Variants in GRIA4 observed in about 807,000 individuals in gnomAD.
The protein encoded by GRIA4 is glutamate receptor 4.
A neutral mutation model predicts 104.0 loss-of-function variants in GRIA4; 34 were observed. The observed-to-expected ratio is 0.33, with a 90% CI of 0.25 to 0.44. GRIA4 has a LOEUF of 0.44. Ranked by LOEUF, GRIA4 falls within the 20% of genes least tolerant of loss-of-function variation. The probability of loss-of-function intolerance (pLI) is 1.00; values close to 1 mark genes in which losing one functional copy is unlikely to be tolerated. For synonymous variants in GRIA4, 386 were observed against 381.9 expected (o/e 1.01, Z -0.13); for missense variants, 750 against 1,096.5 (o/e 0.68, Z 4.46).
rs540833289 is a variant in GRIA4, at chr11:105,773,128, C to CT, written c.487+19915dup. On this transcript the variant is annotated intron_variant, in intron 4 of 16. Coordinates refer to ENST00000282499, the MANE Select transcript of GRIA4 (RefSeq NM_000829.4). ...CCTTCCCCTACTCCTCCTTCTCATT[C>CT]TTTTTTTAAAAAATTATTGACTTTA... 1.1e-4 allele frequency among the ~76,000 whole-genome samples: 17 copies of CT among 152,144 alleles called. No homozygotes were observed. In the East Asian group the frequency reaches 2.3e-3, roughly 21 times the overall value.
rs143099462 is a variant in GRIA4, at chr11:105,759,365, C to T, written c.487+6145C>T. ...AAATCAAAATATAAATTCGTGATAG[C>T]TTATTCTCTTTTTCCTTCGCAGGCA... On this transcript the variant is annotated intron_variant, in intron 4 of 16. Coordinates refer to ENST00000282499, the MANE Select transcript of GRIA4 (RefSeq NM_000829.4). Among the ~76,000 whole-genome samples the T allele has an allele frequency of 1.5e-3, 235 of 152,212 alleles. 2 individuals carry two copies. The highest frequency in any genetic ancestry group is 2.7e-3 in the Non-Finnish European group (185 of 67,992).
In GRIA4 at chr11:105,895,088, C is replaced by T. The variant is rs948066899; in HGVS notation, c.727-3181C>T. 2.9e-5 allele frequency among the ~76,000 whole-genome samples: 3 copies of T among 102,894 alleles called. 1 individual carries two copies. Among genetic ancestry groups the T allele is most frequent in the African/African-American group, 7.1e-5 (2 of 28,304 alleles). 67.5% of individuals were successfully genotyped at this position (102,894 alleles called of 152,430 possible). A position where few individuals can be genotyped will look rare whatever the true frequency, so the allele number is the denominator to read the frequency against. ...TGCTGGGATTACAGGCGTGAGCCAC[C>T]GCGCCCGGCCTATTGCTACATATTT... On this transcript the variant is annotated intron_variant, in intron 6 of 16. Coordinates refer to ENST00000282499, the MANE Select transcript of GRIA4 (RefSeq NM_000829.4).
chr11:105,943,192 A>G (rs1488430993), intron 14 of GRIA4, among the ~76,000 whole-genome samples: 1 of 152,150 alleles, frequency 6.6e-6, no homozygotes, highest in Non-Finnish European at 1.5e-5. Flanking sequence ...TTATTGCAGC[A>G]TATCTTCGTT....
chr11:105,895,924 C>T (rs1946634970), intron 6 of GRIA4, among the ~76,000 whole-genome samples: 1 of 152,184 alleles, frequency 6.6e-6, no homozygotes, highest in Non-Finnish European at 1.5e-5. Context: ...ATTTACTTCC[C>T]TTTGGGTATA....
At chr11:105,787,039 C>T (rs2135790753) in intron 4 of GRIA4, among the ~76,000 whole-genome samples, 1 of 152,240 alleles carries the variant, frequency 6.6e-6, no homozygotes, top group East Asian at 1.9e-4. Flanking sequence ...ACATTTTAAA[C>T]TTTACGGTGA....
chr11:105,900,955 T>A (rs561387129), intron 7 of GRIA4, among the ~76,000 whole-genome samples: 55 of 101,666 alleles, frequency 5.4e-4, no homozygotes, highest in Middle Eastern at 4.8e-3. Flanking sequence ...GAACTAAAAA[T>A]ATATATATAT....
intron 4 of GRIA4, among the ~76,000 whole-genome samples, chr11:105,848,808 G>A (rs554525135): frequency 2.0e-5 from 3 of 152,288 alleles, no homozygotes; most frequent in South Asian, 2.1e-4. Flanking sequence ...AACAGGCAAG[G>A]AAGGTGAAGA....
intron 3 of GRIA4, among the ~76,000 whole-genome samples, chr11:105,731,270 G>A (rs569063055): frequency 3.3e-5 from 5 of 152,192 alleles, no homozygotes; most frequent in African/African-American, 1.2e-4. Context: ...ACAAACATAT[G>A]CAAAAAGCTC....
intron 3 of GRIA4, among the ~76,000 whole-genome samples, chr11:105,623,837 C>T (rs1472249901): frequency 6.6e-6 from 1 of 152,044 alleles, no homozygotes; most frequent in East Asian, 1.9e-4. Flanking sequence ...ATATTCCCCA[C>T]TAGAATAAAA....
chr11:105,808,607 G>A (rs1175466594), intron 4 of GRIA4, among the ~76,000 whole-genome samples: 1 of 152,000 alleles, frequency 6.6e-6, no homozygotes, highest in African/African-American at 2.4e-5. Flanking sequence ...TATACAGACA[G>A]ATCAGATCCA....
At chr11:105,856,389 C>T (rs1945008414) in intron 4 of GRIA4, among the ~76,000 whole-genome samples, 1 of 152,136 alleles carries the variant, frequency 6.6e-6, no homozygotes, top group Non-Finnish European at 1.5e-5. Flanking sequence ...GCCAATTCTC[C>T]ACATATCCCT....
chr11:105,975,736 G>C (rs570038234), intron 16 of GRIA4, among the ~76,000 whole-genome samples: 3 of 152,142 alleles, frequency 2.0e-5, no homozygotes, highest in African/African-American at 7.2e-5. Context: ...GTACATCTGA[G>C]TTTACACCAG....
Position 105,862,081 on chromosome 11 carries a change from G to A in GRIA4, c.545G>A (p.Ser182Asn). The A allele has an allele frequency of 6.2e-7, 1 of 1,611,650 alleles. No homozygotes were observed. Among genetic ancestry groups the A allele is most frequent in the Non-Finnish European group, 8.5e-7 (1 of 1,177,864 alleles). ...EKAGQNGWHV[S>N]AICVENFNDV... The stretch of plus-strand genomic sequence containing the variant: ...GCAGGACAAAATGGTTGGCATGTCA[G>A]CGCTATATGTGTGGAAAATTTTAAT... The change falls in exon 5 of 17, where the codon AGC becomes AAC. Residue 182 changes from serine to asparagine, a missense_variant. Physicochemically the swap from Ser to Asn is conservative, Grantham distance 46. This residue lies in a region of GRIA4 where 410 missense variants were observed against 502.7 expected (regional missense o/e 0.82). Transcript: ENST00000282499.
In GRIA4 at chr11:105,979,720, T is replaced by C. The variant is rs111460703; in HGVS notation, c.2690T>C (p.Ile897Thr). 1.9e-6 allele frequency: 3 copies of C among 1,613,914 alleles called. No homozygotes were observed. Among genetic ancestry groups the C allele is most frequent in the African/African-American group, 1.3e-5 (1 of 75,042 alleles). Residue 897 changes from isoleucine (I) to threonine (T), a missense_variant, in exon 17 of 17, where the codon ATT (isoleucine) becomes ACT (threonine). Ile to Thr is a moderately conservative substitution (Grantham distance 89, BLOSUM62 -1). Coordinates refer to ENST00000282499, the MANE Select transcript of GRIA4 (RefSeq NM_000829.4). ...AIRQSSGLAV[I>T]ASDLP is the part of the protein sequence containing the mutation. ...AGACAAAGTTCAGGATTGGCTGTCA[T>C]TGCATCGGACCTACCATAAAAACCA... is the stretch of plus-strand genomic sequence containing the variant.
chr11:105,972,061 G>A, intron 15 of GRIA4, 33 bp downstream of exon 15: 1 of 1,324,746 alleles, frequency 7.5e-7, no homozygotes, highest in East Asian at 2.3e-5. Context: ...CTCCTCTTGT[G>A]TTCACAAAGC....
intron 4 of GRIA4, among the ~76,000 whole-genome samples, chr11:105,786,492 C>G (rs141936902): frequency 6.6e-6 from 1 of 152,282 alleles, no homozygotes; most frequent in Admixed American, 6.5e-5. Flanking sequence ...GTATCCAAGA[C>G]TGAAGTATAA....
chr11:105,962,537 G>C (rs1005994150), intron 14 of GRIA4, among the ~76,000 whole-genome samples: 3 of 152,074 alleles, frequency 2.0e-5, no homozygotes, highest in Non-Finnish European at 4.4e-5. Context: ...AAAAACTTTT[G>C]GAAGTTTTTC....
In GRIA4 at chr11:105,610,965, A is replaced by G; in HGVS notation, c.-33A>G. ...TTTAGGAAGAGTGCGAGAGAAAGAG[A>G]GAGAGCGCGCGCCAGGGAGAGGAGA... On this transcript the variant is annotated 5_prime_UTR_variant, in exon 2 of 17. Transcript: ENST00000282499. 1 of 1,394,552 alleles carries G rather than the reference A, an allele frequency of 7.2e-7. No homozygotes were observed. 86.4% of individuals were successfully genotyped at this position (1,394,552 alleles called of 1,614,324 possible). A position where few individuals can be genotyped will look rare whatever the true frequency, so the allele number is the denominator to read the frequency against.
intron 3 of GRIA4, among the ~76,000 whole-genome samples, chr11:105,644,026 T>G (rs1951449489): frequency 6.6e-6 from 1 of 152,018 alleles, no homozygotes; most frequent in Admixed American, 6.6e-5. Flanking sequence ...GCCCTTGCCT[T>G]GGTTTTAACT....
Sources: allele counts gnomAD v4.1 joint callset (sites outside exome capture counted in the v4.1 genomes callset), GRCh38; gene constraint gnomAD v4.1.1; regional missense constraint gnomAD v4.1.1; transcripts MANE v1.5; gene names NCBI Gene and HGNC (gene_info 2026-07-23, HGNC 2026-07-21).